Variants in HEMGN observed in about 807,000 individuals in gnomAD.
HEMGN encodes hemogen.
HEMGN carries 32 observed loss-of-function variants against 45.7 expected under a neutral mutation model. The ratio of observed to expected loss-of-function variants is 0.70; its 90% CI spans 0.53 to 0.94. The LOEUF (loss-of-function observed/expected upper bound fraction) is 0.94. HEMGN is among the 40% of genes least tolerant of loss of function. The pLI is 0.00. For missense variants in HEMGN, 530 were observed against 564.2 expected, an observed-to-expected ratio of 0.94 and a Z score of 0.61; for synonymous variants, 183 against 178.6, an observed-to-expected ratio of 1.02 and a Z score of -0.20.
chr9:97,934,919 G>A (rs958488213), intron 2 of HEMGN, among the ~76,000 whole-genome samples: 1 of 152,104 alleles, frequency 6.6e-6, no homozygotes, highest in Non-Finnish European at 1.5e-5. Flanking sequence ...CTGAGCCAGC[G>A]GGGTTGCCGT....
Position 97,930,214 on chromosome 9 carries a change from T to C in HEMGN, c.1181A>G (p.Tyr394Cys), listed in dbSNP as rs760803544. The change falls in exon 3 of 4, where the codon TAT becomes TGT. Residue 394 changes from tyrosine to cysteine, a missense_variant. Coordinates refer to ENST00000616898, the MANE Select transcript of HEMGN (RefSeq NM_197978.3). ...IYQETSQLEE[Y>C]SPEIYQETPG... The stretch of plus-strand genomic sequence containing the variant: ...TGTTTCTTGGTATATTTCAGGTGAA[T>C]ATTCTTCAAGCTGGGATGTTTCTTG... The C allele has an allele frequency of 1.9e-5, 30 of 1,614,040 alleles. No individual in the cohort carries two copies. In the East Asian group the frequency reaches 5.8e-4, roughly 31 times the overall value.
intron 3 of HEMGN, among the ~76,000 whole-genome samples, chr9:97,929,684 C>G (rs1240744507): frequency 6.6e-6 from 1 of 152,146 alleles, no homozygotes; most frequent in Non-Finnish European, 1.5e-5. Context: ...ATTAAATTTC[C>G]TAGAAAAACT....
intron 3 of HEMGN, among the ~76,000 whole-genome samples, chr9:97,927,899 T>C (rs1346713320): frequency 6.6e-6 from 1 of 152,032 alleles, no homozygotes; most frequent in Admixed American, 6.6e-5. Context: ...TCTTAAAAAA[T>C]TATATTTATA....
chr9:97,932,735 T>C (rs1399116384), intron 2 of HEMGN, among the ~76,000 whole-genome samples: 5 of 144,218 alleles, frequency 3.5e-5, no homozygotes, highest in Admixed American at 7.5e-5. Flanking sequence ...ACCCAGGAGA[T>C]GGAGGTTGCA....
intron 1 of HEMGN, among the ~76,000 whole-genome samples, chr9:97,944,008 C>T (rs941642784): frequency 1.3e-5 from 2 of 152,130 alleles, no homozygotes; most frequent in African/African-American, 4.8e-5. Context: ...CCCTTCTCCT[C>T]CTCCTTGCTC....
At chr9:97,938,212 C>T (rs186814263), upstream of HEMGN, 9 of 902,548 alleles carry the variant, frequency 1.0e-5, no homozygotes, top group East Asian at 7.3e-5. Flanking sequence ...ATATCAAAAA[C>T]ATCTAACACT....
rs764466239 is a variant in HEMGN at position 97,936,252 on chromosome 9, G to T, written c.92C>A (p.Thr31Asn). 3.1e-6 allele frequency: 5 copies of T among 1,607,538 alleles called. No individual in the cohort carries two copies. Among genetic ancestry groups the T allele is most frequent in the South Asian group, 1.1e-5 (1 of 90,958 alleles). Reference protein sequence around the residue: ...EENHSPEVIGTWSLRNRELLR... With the variant: ...EENHSPEVIGNWSLRNRELLR... ...TAGTTCTCTGTTTCTCAAACTCCAG[G>T]TTCCAATGACTTCTGTAATAAAATG... Residue 31 changes from threonine to asparagine, a missense_variant, in exon 2 of 4, where the codon ACC becomes AAC. Physicochemically the swap from Thr to Asn is moderately conservative, Grantham distance 65. Coordinates refer to ENST00000616898, the MANE Select transcript of HEMGN (RefSeq NM_197978.3).
At chr9:97,938,715 A>G (rs2131558112), upstream of HEMGN, among the ~76,000 whole-genome samples, 1 of 152,322 alleles carries the variant, frequency 6.6e-6, no homozygotes, top group South Asian at 2.1e-4. Context: ...GGTTTCCTGT[A>G]TGTAGCTTTT....
At chr9:97,927,902 T>G (rs138089780) in intron 3 of HEMGN, among the ~76,000 whole-genome samples, 427 of 152,218 alleles carry the variant, frequency 2.8e-3, no homozygotes, top group African/African-American at 9.9e-3. Context: ...TAAAAAATTA[T>G]ATTTATAATA....
upstream of HEMGN, among the ~76,000 whole-genome samples, chr9:97,940,690 C>T (rs917335422): frequency 1.3e-5 from 2 of 152,104 alleles, no homozygotes; most frequent in Non-Finnish European, 2.9e-5. Flanking sequence ...ACAAATGCTG[C>T]CTTGTTCTAG....
chr9:97,930,765 T>A lies in HEMGN; in HGVS notation c.630A>T (p.Val210=), dbSNP rs1228666470. ...ACATTTTGAAAGGATGGTCTTGAAT[T>A]ACAGATATTACTTGGCATGTGTTAG... The part of the protein sequence containing the change: ...NSPNTCQVIS[V]IQDHPFKMYQ... The change falls in exon 3 of 4, where the codon GTA becomes GTT. Residue 210 remains valine, a synonymous_variant. Coordinates refer to ENST00000616898, the MANE Select transcript of HEMGN (RefSeq NM_197978.3). 6.2e-7 allele frequency: 1 copy of A among 1,614,060 alleles called. No homozygotes were observed. The highest frequency in any genetic ancestry group is 8.5e-7 in the Non-Finnish European group (1 of 1,179,994).
chr9:97,939,990 T>C (rs1259947163), upstream of HEMGN, among the ~76,000 whole-genome samples: 1 of 152,228 alleles, frequency 6.6e-6, no homozygotes, highest in Non-Finnish European at 1.5e-5. Flanking sequence ...AATTACAAAA[T>C]AGTGTTTTTT....
chr9:97,929,230 T>C (rs1261669378), intron 3 of HEMGN, among the ~76,000 whole-genome samples: 1 of 152,252 alleles, frequency 6.6e-6, no homozygotes, highest in Non-Finnish European at 1.5e-5. Context: ...CTGCTTTTGC[T>C]GCAATGTATT....
rs1191638430 is a variant in HEMGN, at chr9:97,931,276, G to A, written c.174-55C>T. On this transcript the variant is annotated intron_variant, in intron 2 of 3. Transcript: ENST00000616898. ...GTGGTACTACAGAATTCAAATAAAT[G>A]CTTGTAATAACAGTGCCAGGTCCCC... The A allele has an allele frequency of 2.9e-6, 4 of 1,375,116 alleles. No individual in the cohort carries two copies. The African/African-American group carries it at 5.8e-5, about 20-fold the overall frequency. 85.2% of individuals were successfully genotyped at this position (1,375,116 alleles called of 1,614,324 possible).
upstream of HEMGN, among the ~76,000 whole-genome samples, chr9:97,942,134 A>T (rs1827161881): frequency 6.6e-6 from 1 of 152,184 alleles, no homozygotes; most frequent in Admixed American, 6.5e-5. Flanking sequence ...CAGACTTATA[A>T]CATAGCTATT....
chr9:97,934,873 T>C (rs1225902202), intron 2 of HEMGN, among the ~76,000 whole-genome samples: 1 of 152,134 alleles, frequency 6.6e-6, no homozygotes, highest in Non-Finnish European at 1.5e-5. Context: ...GCAAATATAG[T>C]GTAATTGCAG....
Position 97,927,495 on chromosome 9 carries a change from A to G in HEMGN, c.1361-17T>C. ...CTTTCATTTCTGTAAAATCAAATAA[A>G]ATAAAAAATAGATTCAATAAATTGT... On this transcript the variant is annotated splice_polypyrimidine_tract_variant and intron_variant, in intron 3 of 3. Transcript: ENST00000616898. 6.7e-7 allele frequency: 1 copy of G among 1,496,374 alleles called. No individual in the cohort carries two copies. 92.7% of individuals were successfully genotyped at this position (1,496,374 alleles called of 1,614,324 possible). A position where few individuals can be genotyped will look rare whatever the true frequency, so the allele number is the denominator to read the frequency against.
chr9:97,936,991 T>A (rs1444180634), intron 1 of HEMGN, among the ~76,000 whole-genome samples: 2 of 152,218 alleles, frequency 1.3e-5, no homozygotes, highest in Non-Finnish European at 2.9e-5. Flanking sequence ...GATGAGTCTT[T>A]GATGCAGAGC....
At chr9:97,943,728 A>C (rs960961886) in intron 1 of HEMGN, among the ~76,000 whole-genome samples, 9 of 152,154 alleles carry the variant, frequency 5.9e-5, no homozygotes, top group African/African-American at 1.7e-4. Context: ...TTCTTGAACT[A>C]GTAATATATT....
Sources: allele counts gnomAD v4.1 joint callset (sites outside exome capture counted in the v4.1 genomes callset), GRCh38; gene constraint gnomAD v4.1.1; transcripts MANE v1.5; gene names NCBI Gene and HGNC (gene_info 2026-07-23, HGNC 2026-07-21).